The following RNF145 variants were observed in gnomAD, a reference collection of about 807,000 sequenced individuals.
The protein encoded by RNF145 is ring finger protein 145.
A neutral mutation model predicts 57.3 loss-of-function variants in RNF145; 12 were observed. The observed-to-expected ratio is 0.21, with a 90% CI of 0.13 to 0.34. The LOEUF (loss-of-function observed/expected upper bound fraction) is 0.34. Among genes scored for constraint, RNF145 ranks in the 10% least tolerant of loss-of-function variants. The pLI is 1.00. For synonymous variants in RNF145, 262 were observed against 288.3 expected (o/e 0.91, Z 0.92); for missense variants, 429 against 799.0 (o/e 0.54, Z 5.58).
At position 159,190,911 on chromosome 5, in the gene RNF145, T is replaced by G. The variant is rs114027694; in HGVS notation, c.293+3805A>C. ...ATAAATTATACTAAGAGGAAAATAT[T>G]AATACTAAAATATGCCATATCTTGA... On this transcript the variant is annotated intron_variant, in intron 3 of 10. Transcript: ENST00000424310. Among the ~76,000 whole-genome samples, 178 of 152,076 alleles carry G rather than the reference T, an allele frequency of 1.2e-3. 1 individual carries two copies. Among genetic ancestry groups the G allele is most frequent in the African/African-American group, 4.0e-3 (168 of 41,496 alleles).
At chr5:159,165,670 G>A (rs1316170028) in intron 8 of RNF145, among the ~76,000 whole-genome samples, 2 of 6,226 alleles carry the variant, frequency 3.2e-4, no homozygotes, top group East Asian at 1.8e-3. Context: ...GCGACAGAGC[G>A]AGACTCCGTC....
intron 3 of RNF145, among the ~76,000 whole-genome samples, chr5:159,187,786 C>G (rs1015904884): frequency 2.0e-5 from 3 of 152,134 alleles, no homozygotes; most frequent in Admixed American, 6.5e-5. Context: ...ATGCACAGGA[C>G]AGCTTCCGTA....
At chr5:159,181,028 T>C (rs1341541087) in intron 4 of RNF145, among the ~76,000 whole-genome samples, 1 of 151,526 alleles carries the variant, frequency 6.6e-6, no homozygotes, top group Non-Finnish European at 1.5e-5. Context: ...CAGAAATCAC[T>C]GCTAAAGAGC....
At chr5:159,171,431 G>A (rs547866806) in intron 6 of RNF145, among the ~76,000 whole-genome samples, 14 of 151,644 alleles carry the variant, frequency 9.2e-5, no homozygotes, top group South Asian at 8.3e-4. Context: ...ATTTAATTAC[G>A]TATTCAAACA....
At chr5:159,198,831 G>A (rs1785554803) in intron 2 of RNF145, among the ~76,000 whole-genome samples, 1 of 152,074 alleles carries the variant, frequency 6.6e-6, no homozygotes, top group Admixed American at 6.6e-5. Context: ...AGACCAGTCT[G>A]GGTAACAAAA....
chr5:159,205,602 T>C (rs62378716), intron 1 of RNF145, among the ~76,000 whole-genome samples: 8,286 of 152,252 alleles, frequency 0.054, 248 homozygotes, highest in Middle Eastern at 0.092. Context: ...TATTTCAAAG[T>C]AATATTGAAT....
At chr5:159,207,770 A>T in intron 1 of RNF145, 1 of 1,614,152 alleles carries the variant, frequency 6.2e-7, no homozygotes, top group Non-Finnish European at 8.5e-7. Context: ...CTCCACATAA[A>T]CTACTAGCAA....
chr5:159,177,034 T>C, intron 4 of RNF145, among the ~76,000 whole-genome samples, 167 bp from the exon 5 acceptor site: 1 of 152,146 alleles, frequency 6.6e-6, no homozygotes, highest in Non-Finnish European at 1.5e-5. Flanking sequence ...CTGACTATAA[T>C]TACATATTCA....
At chr5:159,194,248 T>C (rs1785379723) in intron 3 of RNF145, among the ~76,000 whole-genome samples, 1 of 152,234 alleles carries the variant, frequency 6.6e-6, no homozygotes, top group South Asian at 2.1e-4. Context: ...AGCCTACTTT[T>C]AGAAATTCTT....
intron 8 of RNF145, among the ~76,000 whole-genome samples, chr5:159,168,169 C>G (rs1307896643): frequency 6.6e-6 from 1 of 152,090 alleles, no homozygotes; most frequent in East Asian, 1.9e-4. Flanking sequence ...CTGGATACCT[C>G]AATTATCCTG....
chr5:159,161,850 A>C (rs1387461068), intron 9 of RNF145, among the ~76,000 whole-genome samples: 1 of 152,224 alleles, frequency 6.6e-6, no homozygotes, highest in South Asian at 2.1e-4. Context: ...CATAGAAAAC[A>C]AAAAGCCACA....
chr5:159,176,483 GCTC>G, intron 5 of RNF145, 146 bp downstream of exon 5: 1 of 582,380 alleles, frequency 1.7e-6, no homozygotes, highest in South Asian at 2.3e-5. Context: ...TCTTTCAGAT[GCTC>G]CTAATTGGGC....
intron 6 of RNF145, among the ~76,000 whole-genome samples, chr5:159,171,009 A>G (rs1784533212): frequency 6.6e-6 from 1 of 152,180 alleles, no homozygotes; most frequent in East Asian, 1.9e-4. Context: ...ATGCTTCTAT[A>G]TAGTTATCTT....
Position 159,161,625 on chromosome 5 carries a change from GAA to G in RNF145, c.1270-5_1270-4del, listed in dbSNP as rs59997682. ...TAAATAAAAAGTGTTCCCAGAACCTGAAAAAAAAAAAAAAATGTACGTATCTT... is the reference window on the plus strand; with the variant it reads ...TAAATAAAAAGTGTTCCCAGAACCTGAAAAAAAAAAAAATGTACGTATCTT... On this transcript the variant is annotated splice_polypyrimidine_tract_variant and splice_region_variant and intron_variant, in intron 9 of 10. Coordinates refer to ENST00000424310, the MANE Select transcript of RNF145 (RefSeq NM_001199383.2). The G allele has an allele frequency of 3.6e-4, 467 of 1,309,152 alleles. No individual in the cohort carries two copies. The highest frequency in any genetic ancestry group is 6.5e-4 in the East Asian group (27 of 41,570). 81.1% of individuals were successfully genotyped at this position (1,309,152 alleles called of 1,614,324 possible). A position where few individuals can be genotyped will look rare whatever the true frequency, so the allele number is the denominator to read the frequency against.
chr5:159,161,684 G>T, intron 9 of RNF145, 62 bp from the exon 10 acceptor site: 1 of 933,878 alleles, frequency 1.1e-6, no homozygotes, highest in Non-Finnish European at 1.7e-6. Flanking sequence ...TTTTTTCATA[G>T]GCTTTAAACA....
At chr5:159,205,579 C>T (rs567625096) in intron 1 of RNF145, among the ~76,000 whole-genome samples, 2 of 152,092 alleles carry the variant, frequency 1.3e-5, no homozygotes, top group Non-Finnish European at 2.9e-5. Context: ...AACCCAATAC[C>T]CTCTTGGGAA....
At chr5:159,160,964 G>A (rs575894799) in intron 10 of RNF145, among the ~76,000 whole-genome samples, 12 of 152,160 alleles carry the variant, frequency 7.9e-5, no homozygotes, top group Admixed American at 1.3e-4. Context: ...TCAATAGTCC[G>A]TGTGAGTGTG....
At chr5:159,162,282 A>G (rs1263085431) in intron 9 of RNF145, among the ~76,000 whole-genome samples, 1 of 152,220 alleles carries the variant, frequency 6.6e-6, no homozygotes, top group Non-Finnish European at 1.5e-5. Context: ...CACAAGCTCT[A>G]AAAACTTTTA....
chr5:159,183,899 A>G (rs1283588576), intron 3 of RNF145, among the ~76,000 whole-genome samples: 1 of 152,196 alleles, frequency 6.6e-6, no homozygotes, highest in East Asian at 1.9e-4. Context: ...TTTTAGAATT[A>G]GATAAAGGTG....
Sources: gnomAD v4.1 joint callset for allele counts (sites outside exome capture counted in the v4.1 genomes callset) on GRCh38, gnomAD v4.1.1 for gene constraint, MANE v1.5 for transcripts, NCBI Gene and HGNC (gene_info 2026-07-23, HGNC 2026-07-21) for gene names.